GAREM1: variants seen among roughly 807,000 people sequenced by gnomAD.
The protein encoded by GAREM1 is GRB2 associated regulator of MAPK1 subtype 1.
A neutral mutation model predicts 71.3 loss-of-function variants in GAREM1; 26 were observed. That is an observed-to-expected ratio of 0.36 (90% CI 0.27 to 0.51). The LOEUF (loss-of-function observed/expected upper bound fraction) is 0.51, where lower values mean the gene tolerates loss of function less well. GAREM1 is among the 20% of genes least tolerant of loss of function. The pLI is 0.95. For synonymous variants in GAREM1, 440 were observed against 433.2 expected (o/e 1.02, Z -0.20); for missense variants, 1,026 against 1,103.1 (o/e 0.93, Z 0.99).
intron 3 of GAREM1, among the ~76,000 whole-genome samples, chr18:32,305,851 T>C (rs1465860351): frequency 6.6e-6 from 1 of 152,168 alleles, no homozygotes; most frequent in African/African-American, 2.4e-5. Context: ...CAGTGTGACC[T>C]GTCACTCACT....
At chr18:32,379,804 A>G (rs1237341449) in intron 2 of GAREM1, among the ~76,000 whole-genome samples, 2 of 152,126 alleles carry the variant, frequency 1.3e-5, no homozygotes, top group Admixed American at 1.3e-4. Flanking sequence ...AGGGAGTCCC[A>G]AATCTTGACC....
chr18:32,414,069 T>C (rs1349262671), intron 1 of GAREM1, among the ~76,000 whole-genome samples: 1 of 152,176 alleles, frequency 6.6e-6, no homozygotes, highest in Non-Finnish European at 1.5e-5. Context: ...CACATATACT[T>C]TTTTTAAATG....
chr18:32,279,857 CA>C (rs1432676134), intron 4 of GAREM1, among the ~76,000 whole-genome samples: 1 of 151,994 alleles, frequency 6.6e-6, no homozygotes, highest in Non-Finnish European at 1.5e-5. Flanking sequence ...AAGAAAAAAA[CA>C]AATCTTGGCC....
intron 2 of GAREM1, among the ~76,000 whole-genome samples, chr18:32,329,747 T>C (rs1016275857): frequency 2.4e-5 from 2 of 84,166 alleles, no homozygotes; most frequent in East Asian, 5.7e-4. Flanking sequence ...TAAAAAAAAA[T>C]AAGTTCCTGA....
intron 1 of GAREM1, among the ~76,000 whole-genome samples, chr18:32,461,699 A>C (rs1051374438): frequency 2.0e-4 from 31 of 152,116 alleles, no homozygotes; most frequent in African/African-American, 7.5e-4. Flanking sequence ...TGTCTCAAAA[A>C]ATAAATAAAT....
intron 1 of GAREM1, among the ~76,000 whole-genome samples, chr18:32,408,059 T>C (rs1018778326): frequency 6.6e-6 from 1 of 152,090 alleles, no homozygotes; most frequent in Non-Finnish European, 1.5e-5. Flanking sequence ...CTCTAGATTG[T>C]AAATTTTGAA....
intron 1 of GAREM1, among the ~76,000 whole-genome samples, chr18:32,421,342 A>G (rs922711268): frequency 2.6e-5 from 4 of 152,160 alleles, no homozygotes; most frequent in Non-Finnish European, 5.9e-5. Context: ...CCTCAGGTCC[A>G]TTCTCTTCTG....
chr18:32,269,572 G>A (rs552502783), intron 5 of GAREM1, among the ~76,000 whole-genome samples: 3 of 152,326 alleles, frequency 2.0e-5, no homozygotes, highest in Non-Finnish European at 4.4e-5. Context: ...AGTTGACAAA[G>A]AGATATGGGA....
At chr18:32,467,998 C>G (rs2049014359) in intron 1 of GAREM1, among the ~76,000 whole-genome samples, 1 of 152,116 alleles carries the variant, frequency 6.6e-6, no homozygotes, top group African/African-American at 2.4e-5. Flanking sequence ...ACACTTTCCC[C>G]AATCAAATTA....
At chr18:32,276,131 G>A (rs1338754347) in intron 4 of GAREM1, among the ~76,000 whole-genome samples, 1 of 152,236 alleles carries the variant, frequency 6.6e-6, no homozygotes, top group Non-Finnish European at 1.5e-5. Flanking sequence ...GGTAGAAACG[G>A]TGAGTTCTGT....
intron 3 of GAREM1, among the ~76,000 whole-genome samples, chr18:32,290,747 TC>T (rs2047074638): frequency 6.6e-6 from 1 of 152,256 alleles, no homozygotes; most frequent in African/African-American, 2.4e-5. Flanking sequence ...TCAACTTCTT[TC>T]CTCTAAGAGA....
intron 2 of GAREM1, among the ~76,000 whole-genome samples, chr18:32,320,247 A>T (rs1336182344): frequency 6.6e-6 from 1 of 152,226 alleles, no homozygotes; most frequent in African/African-American, 2.4e-5. Context: ...TATAAAGGAC[A>T]TAATTATTTT....
At chr18:32,413,321 T>A in intron 1 of GAREM1, 1 of 940,984 alleles carries the variant, frequency 1.1e-6, no homozygotes, top group Non-Finnish European at 1.6e-6. Flanking sequence ...CGCTTAGCCT[T>A]AAAAACAAAA....
chr18:32,307,182 T>C (rs2047264254), intron 3 of GAREM1, among the ~76,000 whole-genome samples: 1 of 152,208 alleles, frequency 6.6e-6, no homozygotes, highest in Admixed American at 6.5e-5. Flanking sequence ...GACTTGTAAA[T>C]AAATATATCA....
intron 3 of GAREM1, among the ~76,000 whole-genome samples, chr18:32,306,830 C>A (rs1311228087): frequency 6.6e-6 from 1 of 152,158 alleles, no homozygotes; most frequent in African/African-American, 2.4e-5. Flanking sequence ...CCAGTGCCTG[C>A]AGTAGTGCTG....
intron 1 of GAREM1, among the ~76,000 whole-genome samples, chr18:32,431,465 T>A (rs2144258076): frequency 6.6e-6 from 1 of 152,092 alleles, no homozygotes; most frequent in Admixed American, 6.5e-5. Context: ...CCGTCTCTAC[T>A]AAAAACACAA....
intron 1 of GAREM1, among the ~76,000 whole-genome samples, chr18:32,448,901 T>C (rs1411206848): frequency 2.6e-5 from 4 of 152,196 alleles, no homozygotes; most frequent in Non-Finnish European, 5.9e-5. Context: ...CATGGTTCTT[T>C]TTATTTCAAT....
At chr18:32,412,314 G>A in intron 1 of GAREM1, 1 of 1,593,472 alleles carries the variant, frequency 6.3e-7, no homozygotes, top group Non-Finnish European at 8.5e-7. Context: ...ACCGCCATAG[G>A]GGCCAGAGTT....
chr18:32,437,536 C>T (rs1265755438), intron 1 of GAREM1, among the ~76,000 whole-genome samples: 2 of 152,148 alleles, frequency 1.3e-5, no homozygotes, highest in Non-Finnish European at 2.9e-5. Context: ...CAGAAACTGA[C>T]TTTCTAGAGG....
Sources: allele counts gnomAD v4.1 joint callset (sites outside exome capture counted in the v4.1 genomes callset), GRCh38; gene constraint gnomAD v4.1.1; transcripts MANE v1.5; gene names NCBI Gene and HGNC (gene_info 2026-07-23, HGNC 2026-07-21).